MCM9: variants seen among roughly 807,000 people sequenced by gnomAD.
The protein encoded by MCM9 is DNA helicase MCM9.
Under a neutral mutation model 72.8 loss-of-function variants are expected in MCM9, and 55 were observed. The observed-to-expected ratio is 0.76, with a 90% CI of 0.61 to 0.95. MCM9 has a LOEUF of 0.95. Among genes scored for constraint, MCM9 ranks in the 40% least tolerant of loss-of-function variants. The probability of loss-of-function intolerance (pLI) is 0.00; values close to 1 mark genes in which losing one functional copy is unlikely to be tolerated. For missense variants in MCM9, 1,279 were observed against 1,377.0 expected, an observed-to-expected ratio of 0.93 and a Z score of 1.13; for synonymous variants, 480 against 503.4, an observed-to-expected ratio of 0.95 and a Z score of 0.62.
At chr6:118,891,727 A>G (rs565116291) in intron 8 of MCM9, among the ~76,000 whole-genome samples, 1 of 152,300 alleles carries the variant, frequency 6.6e-6, no homozygotes, top group Admixed American at 6.5e-5. Context: ...TGGGGGAGAC[A>G]TAATTCAGTC....
At chr6:118,884,763 G>A (rs192491599) in intron 8 of MCM9, among the ~76,000 whole-genome samples, 25 of 152,018 alleles carry the variant, frequency 1.6e-4, no homozygotes, top group Non-Finnish European at 8.8e-5. Flanking sequence ...TGAGAAAGCC[G>A]GAGTATTTAT....
chr6:118,929,701 G>A (rs1457715894), intron 3 of MCM9, among the ~76,000 whole-genome samples: 2 of 152,048 alleles, frequency 1.3e-5, no homozygotes, highest in Non-Finnish European at 2.9e-5. Flanking sequence ...GGCCAGACAC[G>A]ATGGCTCACA....
At chr6:118,900,746 C>G in intron 8 of MCM9, 1 of 1,492,500 alleles carries the variant, frequency 6.7e-7, no homozygotes, top group Non-Finnish European at 9.4e-7. Context: ...TGAAATAATG[C>G]TTTGGTTTTT....
At chr6:118,879,505 T>G (rs933013017) in intron 8 of MCM9, among the ~76,000 whole-genome samples, 1 of 152,188 alleles carries the variant, frequency 6.6e-6, no homozygotes, top group South Asian at 2.1e-4. Flanking sequence ...ATGCACAAAA[T>G]GTGGCCTAGC....
intron 8 of MCM9, among the ~76,000 whole-genome samples, chr6:118,872,768 T>C (rs1204000812): frequency 6.6e-6 from 1 of 151,404 alleles, no homozygotes; most frequent in Non-Finnish European, 1.5e-5. Context: ...AGAAGGAAGA[T>C]ACAAAAATCA....
chr6:118,889,469 G>A (rs1017063093), intron 8 of MCM9, among the ~76,000 whole-genome samples: 6 of 152,182 alleles, frequency 3.9e-5, no homozygotes, highest in Admixed American at 3.3e-4. Flanking sequence ...CCTCTCTACC[G>A]ATTACTGTTT....
intron 9 of MCM9, among the ~76,000 whole-genome samples, chr6:118,833,054 C>T (rs1774687251): frequency 6.6e-6 from 1 of 152,174 alleles, no homozygotes; most frequent in Admixed American, 6.5e-5. Context: ...ATCTTTTTCT[C>T]TCTCTTTACT....
chr6:118,906,365 G>A (rs985636419), intron 8 of MCM9, among the ~76,000 whole-genome samples: 6 of 152,212 alleles, frequency 3.9e-5, no homozygotes, highest in East Asian at 1.9e-4. Flanking sequence ...GAGCCACCAC[G>A]CCCAGAGAAA....
At chr6:118,837,201 T>C (rs1378994836) in intron 9 of MCM9, among the ~76,000 whole-genome samples, 1 of 152,246 alleles carries the variant, frequency 6.6e-6, no homozygotes, top group Non-Finnish European at 1.5e-5. Context: ...TCCTGAGTTC[T>C]AATTTGATTG....
Position 118,814,948 on chromosome 6 carries a change from G to T in MCM9, c.3308C>A (p.Ser1103Tyr), listed in dbSNP as rs997748835. ...CTCGGTGGACCCACGGAGCTGAAAA[G>T]ATTTCCTTTTACTGACACGCATTGG... ...TAPMRVSKRK[S>Y]FQLRGSTEKL... Residue 1103 changes from serine (S) to tyrosine (Y), a missense_variant, in exon 14 of 14, where the codon TCT (serine) becomes TAT (tyrosine). Coordinates refer to ENST00000619706, the MANE Select transcript of MCM9 (RefSeq NM_017696.3). The T allele has an allele frequency of 6.5e-6, 10 of 1,545,926 alleles. No homozygotes were observed. The African/African-American group carries it at 1.2e-4, about 19-fold the overall frequency.
chr6:118,833,804 A>T (rs2638536), intron 9 of MCM9, among the ~76,000 whole-genome samples: 11,597 of 152,158 alleles, frequency 0.076, 687 homozygotes, highest in East Asian at 0.19. Flanking sequence ...GAGTTTTTTT[A>T]AACAGGTATA....
intron 9 of MCM9, among the ~76,000 whole-genome samples, chr6:118,840,486 A>AC (rs1424581949): frequency 6.6e-6 from 1 of 152,126 alleles, no homozygotes; most frequent in Non-Finnish European, 1.5e-5. Context: ...ACCTATCCCA[A>AC]CAATGTTTGA....
chr6:118,860,389 A>AT (rs1368284438), intron 8 of MCM9, among the ~76,000 whole-genome samples: 1 of 152,232 alleles, frequency 6.6e-6, no homozygotes, highest in Non-Finnish European at 1.5e-5. Context: ...CTGAAGAAAG[A>AT]ATCTCTGAAC....
chr6:118,888,804 C>T lies in MCM9; in HGVS notation c.1150+22846G>A, dbSNP rs578008656. 4.6e-5 allele frequency among the ~76,000 whole-genome samples: 7 copies of T among 152,196 alleles called. No individual in the cohort carries two copies. The East Asian group carries it at 1.4e-3, about 29-fold the overall frequency. On this transcript the variant is annotated intron_variant, in intron 8 of 13. Coordinates refer to ENST00000619706, the MANE Select transcript of MCM9 (RefSeq NM_017696.3). ...TGAAAGAAGCATCAAAAACATTATG[C>T]TTCAAAGATGCTGGTCATAAAAGAC... is the stretch of plus-strand genomic sequence containing the variant.
intron 9 of MCM9, among the ~76,000 whole-genome samples, chr6:118,841,739 C>T (rs1335599932): frequency 6.6e-6 from 1 of 151,790 alleles, no homozygotes; most frequent in African/African-American, 2.4e-5. Flanking sequence ...AAGGCCTTAT[C>T]TTTTCGTCTT....
rs1381366050 is a variant in MCM9 at position 118,826,781 on chromosome 6, C to A, written c.1815+1G>T. ...AAATTAGGTACACAAAATATCCTTA[C>A]CTGCATTGAGGACTCCATGACTGAC... On this transcript the variant is annotated splice_donor_variant, in intron 12 of 13. Transcript: ENST00000619706. LOFTEE classifies it high-confidence loss of function. 17 of 1,545,586 alleles carry A rather than the reference C, an allele frequency of 1.1e-5. 1 individual carries two copies. In the South Asian group the frequency reaches 1.7e-4, roughly 15 times the overall value.
chr6:118,902,143 C>T (rs1164210134), intron 8 of MCM9, among the ~76,000 whole-genome samples: 1 of 152,078 alleles, frequency 6.6e-6, no homozygotes, highest in African/African-American at 2.4e-5. Flanking sequence ...AGTGCATAAC[C>T]ATGTAAAAGA....
intron 3 of MCM9, among the ~76,000 whole-genome samples, chr6:118,929,829 G>A (rs1326255597): frequency 5.1e-4 from 77 of 151,992 alleles, no homozygotes; most frequent in Non-Finnish European, 4.4e-5. Context: ...AAGGCTGATG[G>A]GGGGGACCCT....
At chr6:118,873,467 C>T (rs886074121) in intron 8 of MCM9, among the ~76,000 whole-genome samples, 6 of 152,078 alleles carry the variant, frequency 3.9e-5, no homozygotes, top group East Asian at 1.9e-4. Context: ...ACAGATCCCA[C>T]GAACATTACA....
Sources: allele counts gnomAD v4.1 joint callset (sites outside exome capture counted in the v4.1 genomes callset), GRCh38; gene constraint gnomAD v4.1.1; transcripts MANE v1.5; gene names NCBI Gene and HGNC (gene_info 2026-07-23, HGNC 2026-07-21).